The following PLEKHM3 variants were observed in gnomAD, a reference collection of about 807,000 sequenced individuals.
PLEKHM3 encodes pleckstrin homology domain containing M3.
PLEKHM3 carries 45 observed loss-of-function variants against 81.8 expected under a neutral mutation model. The ratio of observed to expected loss-of-function variants is 0.55; its 90% CI spans 0.43 to 0.71. The LOEUF (loss-of-function observed/expected upper bound fraction) is 0.71. Ranked by LOEUF, PLEKHM3 falls within the 30% of genes least tolerant of loss-of-function variation. The probability of loss-of-function intolerance (pLI) is 0.00; values close to 1 mark genes in which losing one functional copy is unlikely to be tolerated. For missense variants in PLEKHM3, 788 were observed against 924.3 expected, an observed-to-expected ratio of 0.85 and a Z score of 1.91; for synonymous variants, 352 against 356.4, an observed-to-expected ratio of 0.99 and a Z score of 0.14.
At chr2:207,982,337 A>G (rs1251322262) in intron 2 of PLEKHM3, among the ~76,000 whole-genome samples, 1 of 150,998 alleles carries the variant, frequency 6.6e-6, no homozygotes, top group Non-Finnish European at 1.5e-5. Context: ...TGGTACAAAC[A>G]TAGCTCACTG....
intron 7 of PLEKHM3, among the ~76,000 whole-genome samples, chr2:207,844,353 A>G (rs990065294): frequency 7.1e-6 from 1 of 139,922 alleles, no homozygotes; most frequent in Admixed American, 7.6e-5. Flanking sequence ...CCCAGGCTGG[A>G]GTGCAGTGGC....
Position 207,917,493 on chromosome 2 carries a change from T to C in PLEKHM3, c.1887-8916A>G, listed in dbSNP as rs759836807. ...TCAGATTTTGGTTGTAAGATATTCC[T>C]CATATGCAGTTCAGAGACATTGCAA... On this transcript the variant is annotated intron_variant, in intron 5 of 7. Coordinates refer to ENST00000427836, the MANE Select transcript of PLEKHM3 (RefSeq NM_001080475.3). Among the ~76,000 whole-genome samples the C allele has an allele frequency of 7.5e-4, 114 of 152,340 alleles. 1 individual carries two copies. The Middle Eastern group carries it at 0.017, about 23-fold the overall frequency.
intron 4 of PLEKHM3, among the ~76,000 whole-genome samples, chr2:207,945,343 G>C (rs143935130): frequency 6.6e-6 from 1 of 152,264 alleles, no homozygotes; most frequent in Non-Finnish European, 1.5e-5. Context: ...CACTAAGCCT[G>C]CTATTTATAC....
chr2:207,887,535 T>C (rs1224119930), intron 6 of PLEKHM3, among the ~76,000 whole-genome samples: 2 of 152,204 alleles, frequency 1.3e-5, no homozygotes, highest in Non-Finnish European at 2.9e-5. Context: ...AGAATTAACA[T>C]AGGATTTAAT....
chr2:207,939,418 T>TA (rs1689862683), intron 4 of PLEKHM3, among the ~76,000 whole-genome samples: 2 of 151,992 alleles, frequency 1.3e-5, no homozygotes, highest in Admixed American at 1.3e-4. Flanking sequence ...GACAGGGAAA[T>TA]AGACGGATGG....
At chr2:207,953,110 T>C (rs17537578) in intron 3 of PLEKHM3, among the ~76,000 whole-genome samples, 49,241 of 152,062 alleles carry the variant, frequency 0.32, 8,131 homozygotes, top group Middle Eastern at 0.43. Context: ...AAAGGAACAA[T>C]AGGGGAAATC....
chr2:207,977,551 C>T lies in PLEKHM3; in HGVS notation c.646G>A (p.Gly216Ser), dbSNP rs1691363227. The T allele has an allele frequency of 1.2e-6, 2 of 1,611,508 alleles. No homozygotes were observed. The highest frequency in any genetic ancestry group is 2.2e-5 in the East Asian group (1 of 44,884). The stretch of plus-strand genomic sequence containing the variant: ...TGGTCCTTTCTAATCTCCAGGTAAC[C>T]CTTCTTTAGAATGTTTGGGAATGTC... ...KQTFPNILKK[G>S]YLEIRKDHDS... Residue 216 changes from glycine to serine, a missense_variant, in exon 3 of 8, where the codon GGT becomes AGT. Physicochemically the swap from Gly to Ser is moderately conservative, Grantham distance 56 (BLOSUM62 0). Transcript: ENST00000427836.
At chr2:207,865,403 A>G (rs1293443213) in intron 6 of PLEKHM3, among the ~76,000 whole-genome samples, 1 of 151,844 alleles carries the variant, frequency 6.6e-6, no homozygotes, top group Admixed American at 6.6e-5. Flanking sequence ...CATTCCACTA[A>G]CCCTCTGAAA....
chr2:207,877,693 A>G (rs1011678076), intron 6 of PLEKHM3, among the ~76,000 whole-genome samples: 2 of 152,178 alleles, frequency 1.3e-5, no homozygotes, highest in African/African-American at 4.8e-5. Flanking sequence ...ATATAAGGTA[A>G]AGTGCATAAA....
At chr2:208,010,309 G>A (rs184145300) in intron 1 of PLEKHM3, among the ~76,000 whole-genome samples, 1 of 152,328 alleles carries the variant, frequency 6.6e-6, no homozygotes, top group Non-Finnish European at 1.5e-5. Flanking sequence ...ACTGAAGGCA[G>A]CAGTGTTACT....
intron 5 of PLEKHM3, among the ~76,000 whole-genome samples, chr2:207,922,799 G>A (rs1447137519): frequency 6.7e-6 from 1 of 149,958 alleles, no homozygotes; most frequent in East Asian, 2.0e-4. Context: ...GCAACAGAGA[G>A]AGACTCCGTC....
chr2:207,923,841 A>G lies in PLEKHM3; in HGVS notation c.1886+7085T>C, dbSNP rs546905881. Reference sequence around the variant, plus strand: ...TGGATATATATACATACATATACATACATACACACGCACGCACACACACAC... The same window carrying G: ...TGGATATATATACATACATATACATGCATACACACGCACGCACACACACAC... On this transcript the variant is annotated intron_variant, in intron 5 of 7. Coordinates refer to ENST00000427836, the MANE Select transcript of PLEKHM3 (RefSeq NM_001080475.3). 2.2e-4 allele frequency among the ~76,000 whole-genome samples: 28 copies of G among 128,208 alleles called. 1 individual carries two copies. The highest frequency in any genetic ancestry group is 7.9e-4 in the African/African-American group (27 of 34,042). The allele number at this position is 128,208 out of a possible 152,430, so 84.1% of individuals were successfully genotyped here. A position where few individuals can be genotyped will look rare whatever the true frequency, so the allele number is the denominator to read the frequency against.
chr2:207,972,319 C>T (rs1364005137), intron 3 of PLEKHM3, among the ~76,000 whole-genome samples: 1 of 150,394 alleles, frequency 6.6e-6, no homozygotes, highest in Non-Finnish European at 1.5e-5. Flanking sequence ...GTGGCTTACG[C>T]CTGTCATCCC....
intron 6 of PLEKHM3, among the ~76,000 whole-genome samples, chr2:207,889,294 C>A (rs1300050869): frequency 6.6e-6 from 1 of 152,070 alleles, no homozygotes; most frequent in Non-Finnish European, 1.5e-5. Context: ...TTGCAGTCAA[C>A]CCTGGTCAAG....
intron 6 of PLEKHM3, chr2:207,900,530 T>A (rs989409060): frequency 1.3e-5 from 2 of 152,260 alleles, no homozygotes; most frequent in East Asian, 3.8e-4. Context: ...TGGAAGATAC[T>A]GTTGCAGCTA....
At chr2:207,933,315 A>C (rs1006777042) in intron 4 of PLEKHM3, among the ~76,000 whole-genome samples, 2 of 152,218 alleles carry the variant, frequency 1.3e-5, no homozygotes, top group African/African-American at 2.4e-5. Context: ...CCCTGTCTTT[A>C]GGTATAATAG....
At chr2:207,972,256 T>C (rs1574457228) in intron 3 of PLEKHM3, among the ~76,000 whole-genome samples, 1 of 148,568 alleles carries the variant, frequency 6.7e-6, no homozygotes, top group Admixed American at 6.9e-5. Flanking sequence ...GAGGTAGGCA[T>C]GATAATAGTA....
rs1243281595 is a variant in PLEKHM3 at position 207,823,818 on chromosome 2, A to G, written c.*4501T>C. On this transcript the variant is annotated 3_prime_UTR_variant, in exon 8 of 8. Transcript: ENST00000427836. ...TCCCATACTCTTGTCTTTTACCTAG[A>G]GTTTAACAATGACTTGGATTTTCCC... is the stretch of plus-strand genomic sequence containing the variant. 1 of 152,182 alleles carries G rather than the reference A, an allele frequency of 6.6e-6. No individual in the cohort carries two copies. Among genetic ancestry groups the G allele is most frequent in the Non-Finnish European group, 1.5e-5 (1 of 68,044 alleles). 9.4% of individuals were successfully genotyped at this position (152,182 alleles called of 1,614,324 possible).
intron 2 of PLEKHM3, among the ~76,000 whole-genome samples, chr2:207,998,679 C>G (rs1270415117): frequency 1.3e-5 from 2 of 152,104 alleles, no homozygotes; most frequent in Non-Finnish European, 2.9e-5. Context: ...AAATAATTAT[C>G]ATGGTCTGTT....
Sources: gnomAD v4.1 joint callset for allele counts (sites outside exome capture counted in the v4.1 genomes callset) on GRCh38, gnomAD v4.1.1 for gene constraint, MANE v1.5 for transcripts, NCBI Gene and HGNC (gene_info 2026-07-23, HGNC 2026-07-21) for gene names.